EPHA6: variants seen among roughly 807,000 people sequenced by gnomAD.
EPHA6 encodes the protein EPH receptor A6.
A neutral mutation model predicts 112.0 loss-of-function variants in EPHA6; 50 were observed. The observed-to-expected ratio is 0.45, with a 90% CI of 0.36 to 0.56. The LOEUF (loss-of-function observed/expected upper bound fraction) is 0.56. Ranked by LOEUF, EPHA6 falls within the 20% of genes least tolerant of loss-of-function variation. The pLI is 0.00. For synonymous variants in EPHA6, 529 were observed against 490.7 expected (o/e 1.08, Z -1.03); for missense variants, 1,280 against 1,417.4 (o/e 0.90, Z 1.56).
intron 3 of EPHA6, among the ~76,000 whole-genome samples, chr3:97,184,160 T>C (rs543875983): frequency 5.3e-5 from 8 of 152,220 alleles, no homozygotes; most frequent in African/African-American, 1.9e-4. Context: ...AGAATTATTC[T>C]TATGAGAGGT....
chr3:97,494,502 C>G (rs542527512), intron 10 of EPHA6, among the ~76,000 whole-genome samples: 2 of 152,114 alleles, frequency 1.3e-5, no homozygotes, highest in African/African-American at 4.8e-5. Flanking sequence ...GCTGTAATTT[C>G]CCTATCCGTG....
chr3:97,033,697 CA>C (rs2044968556), intron 3 of EPHA6, among the ~76,000 whole-genome samples: 1 of 151,744 alleles, frequency 6.6e-6, no homozygotes, highest in South Asian at 2.1e-4. Context: ...TCCTTACTTC[CA>C]AAAGTGAGAG....
At chr3:96,967,107 A>G (rs2042148920) in intron 2 of EPHA6, among the ~76,000 whole-genome samples, 1 of 151,676 alleles carries the variant, frequency 6.6e-6, no homozygotes, top group South Asian at 2.1e-4. Context: ...CCCCTCTTTG[A>G]AAAATAATTA....
At chr3:96,874,869 C>A (rs2036852903) in intron 2 of EPHA6, among the ~76,000 whole-genome samples, 2 of 151,936 alleles carry the variant, frequency 1.3e-5, no homozygotes, top group African/African-American at 2.4e-5. Context: ...AGTAGGGGGA[C>A]TTGATGACCT....
In EPHA6 at chr3:97,539,122, TTCTTTTTC is replaced by T. The variant is rs1371480025; in HGVS notation, c.2386+6581_2386+6588del. Among the ~76,000 whole-genome samples, 404 of 148,844 alleles carry T rather than the reference TTCTTTTTC, an allele frequency of 2.7e-3. 3 individuals carry two copies. Among genetic ancestry groups the T allele is most frequent in the African/African-American group, 9.4e-3 (375 of 39,808 alleles). On this transcript the variant is annotated intron_variant, in intron 11 of 17. Transcript: ENST00000389672. ...TTCCTTCCTTTCTTTCTTTCTTTCT[TTCTTTTTC>T]TTTCTTTCTTTCTTTCTTCTTTCTT... is the stretch of plus-strand genomic sequence containing the variant.
intron 3 of EPHA6, among the ~76,000 whole-genome samples, chr3:97,103,956 T>C (rs1487536551): frequency 2.0e-5 from 3 of 152,134 alleles, no homozygotes; most frequent in South Asian, 4.1e-4. Context: ...TTGGCTATTA[T>C]TGATATATAG....
chr3:97,555,614 C>G (rs1056327072), intron 11 of EPHA6, among the ~76,000 whole-genome samples: 4 of 152,104 alleles, frequency 2.6e-5, no homozygotes, highest in African/African-American at 9.7e-5. Flanking sequence ...TTAATGATTG[C>G]CATTCTAACT....
At chr3:97,485,763 G>A (rs1157008020) in intron 10 of EPHA6, among the ~76,000 whole-genome samples, 1 of 152,176 alleles carries the variant, frequency 6.6e-6, no homozygotes, top group Non-Finnish European at 1.5e-5. Context: ...ACAGCAAAGG[G>A]ATAGAGAAGA....
At chr3:97,673,901 A>G (rs371190331) in intron 14 of EPHA6, among the ~76,000 whole-genome samples, 159 of 152,364 alleles carry the variant, frequency 1.0e-3, no homozygotes, top group African/African-American at 3.4e-3. Context: ...TATTAGCAGG[A>G]CTATATTTTA....
chr3:97,372,961 C>A (rs2085144601), intron 5 of EPHA6, among the ~76,000 whole-genome samples: 1 of 152,068 alleles, frequency 6.6e-6, no homozygotes, highest in Non-Finnish European at 1.5e-5. Flanking sequence ...AAACCAAATT[C>A]TTCAAATGGT....
intron 5 of EPHA6, among the ~76,000 whole-genome samples, chr3:97,308,321 G>A (rs770639831): frequency 5.3e-5 from 8 of 151,564 alleles, no homozygotes; most frequent in East Asian, 1.9e-4. Context: ...AAATCTCTCC[G>A]TAGGGAACCC....
At chr3:97,532,595 T>C (rs1012687064) in intron 11 of EPHA6, 52 bp downstream of exon 11, 1 of 1,487,632 alleles carries the variant, frequency 6.7e-7, no homozygotes, top group East Asian at 2.3e-5. Context: ...TCTCAGTTTT[T>C]TTTTAAGAAA....
intron 5 of EPHA6, among the ~76,000 whole-genome samples, chr3:97,366,939 T>C (rs1166532977): frequency 6.6e-6 from 1 of 152,202 alleles, no homozygotes; most frequent in Non-Finnish European, 1.5e-5. Context: ...GGAACTATTC[T>C]CAGCGCTTTA....
chr3:97,663,826 T>A (rs935209227), intron 14 of EPHA6, among the ~76,000 whole-genome samples: 1 of 152,206 alleles, frequency 6.6e-6, no homozygotes, highest in Non-Finnish European at 1.5e-5. Flanking sequence ...GCAGCATGAT[T>A]TATAATCCTT....
chr3:97,297,562 T>A (rs1346404685), intron 5 of EPHA6, among the ~76,000 whole-genome samples: 1 of 152,124 alleles, frequency 6.6e-6, no homozygotes, highest in African/African-American at 2.4e-5. Context: ...GTAGTATTAA[T>A]ATGAAGGTCC....
At chr3:97,737,781 T>G (rs1298990393) in intron 16 of EPHA6, among the ~76,000 whole-genome samples, 1 of 151,926 alleles carries the variant, frequency 6.6e-6, no homozygotes, top group Admixed American at 6.6e-5. Context: ...TTAACTGTAG[T>G]TAAGATAGCC....
At chr3:97,610,901 C>A (rs768616458) in intron 13 of EPHA6, 47 bp downstream of exon 13, 2 of 1,381,558 alleles carry the variant, frequency 1.4e-6, no homozygotes, top group Non-Finnish European at 2.0e-6. Context: ...ATTCTCAGTT[C>A]TATATTTAAA....
intron 5 of EPHA6, among the ~76,000 whole-genome samples, chr3:97,367,310 T>TA (rs1425912889): frequency 6.6e-6 from 1 of 152,182 alleles, no homozygotes; most frequent in Non-Finnish European, 1.5e-5. Flanking sequence ...CTACATCAGC[T>TA]AAAACCAGGT....
chr3:97,169,580 C>T (rs2076635783), intron 3 of EPHA6, among the ~76,000 whole-genome samples: 1 of 152,070 alleles, frequency 6.6e-6, no homozygotes, highest in African/African-American at 2.4e-5. Flanking sequence ...TCTACAGGCT[C>T]ATTTTCTGAT....
Sources: gnomAD v4.1 joint callset for allele counts (sites outside exome capture counted in the v4.1 genomes callset) on GRCh38, gnomAD v4.1.1 for gene constraint, MANE v1.5 for transcripts, NCBI Gene and HGNC (gene_info 2026-07-23, HGNC 2026-07-21) for gene names.